The following UBR3 variants were observed in gnomAD, a reference collection of about 807,000 sequenced individuals.
UBR3 encodes ubiquitin protein ligase E3 component n-recognin 3, also known as E3 ubiquitin-protein ligase UBR3.
UBR3 carries 85 observed loss-of-function variants against 243.2 expected under a neutral mutation model. The ratio of observed to expected loss-of-function variants is 0.35; its 90% CI spans 0.29 to 0.42. The LOEUF is 0.42. UBR3 is among the 10% of genes least tolerant of loss of function. UBR3 has a pLI of 1.00. For missense variants in UBR3, 1,686 were observed against 2,300.8 expected, an observed-to-expected ratio of 0.73 and a Z score of 5.47; for synonymous variants, 748 against 799.8, an observed-to-expected ratio of 0.94 and a Z score of 1.09.
chr2:169,874,621 A>AT (rs2083540296), intron 2 of UBR3, among the ~76,000 whole-genome samples: 1 of 152,198 alleles, frequency 6.6e-6, no homozygotes, highest in Admixed American at 6.5e-5. Flanking sequence ...AATAATCCTT[A>AT]TATCTGTGTT....
At chr2:169,872,509 C>T (rs1383073001) in intron 2 of UBR3, 134 bp downstream of exon 2, 26 of 623,608 alleles carry the variant, frequency 4.2e-5, no homozygotes, top group Non-Finnish European at 6.4e-5. Flanking sequence ...CTATAAAATA[C>T]GGATTGAATA....
chr2:170,003,862 G>T (rs1475589277), intron 27 of UBR3, among the ~76,000 whole-genome samples: 1 of 152,046 alleles, frequency 6.6e-6, no homozygotes, highest in Non-Finnish European at 1.5e-5. Flanking sequence ...GGATGGTCTC[G>T]ATCTCCTGAC....
intron 19 of UBR3, among the ~76,000 whole-genome samples, chr2:169,941,786 G>T (rs1476672028): frequency 6.6e-6 from 1 of 152,208 alleles, no homozygotes; most frequent in Non-Finnish European, 1.5e-5. Flanking sequence ...GATAAGAGGG[G>T]ACTACTGTAT....
chr2:169,831,305 A>G (rs983420181), intron 1 of UBR3, among the ~76,000 whole-genome samples: 5 of 146,892 alleles, frequency 3.4e-5, no homozygotes, highest in Non-Finnish European at 7.5e-5. Flanking sequence ...ACACCCGGCT[A>G]ATTTTTTTTT....
intron 30 of UBR3, among the ~76,000 whole-genome samples, chr2:170,020,970 G>T (rs1049750503): frequency 6.6e-6 from 1 of 151,948 alleles, no homozygotes; most frequent in African/African-American, 2.4e-5. Flanking sequence ...TATTCCAATC[G>T]TTTGCACTGT....
intron 33 of UBR3, among the ~76,000 whole-genome samples, chr2:170,058,587 C>T (rs959505475): frequency 1.3e-5 from 2 of 149,580 alleles, no homozygotes; most frequent in Admixed American, 1.3e-4. Context: ...ATGATCACAG[C>T]TCACTGCAAC....
intron 27 of UBR3, among the ~76,000 whole-genome samples, chr2:170,001,938 A>AAAAAAAAAAG (rs1559175182): frequency 4.8e-4 from 63 of 130,108 alleles, no homozygotes; most frequent in African/African-American, 2.0e-3. Flanking sequence ...AAAAAAAAAA[A>AAAAAAAAAAG]AAAAGAAAGA....
Position 169,928,868 on chromosome 2 carries a change from G to A in UBR3, c.2566G>A (p.Ala856Thr). ...GCAACAAGGCATGTATACTCCCAAA[G>A]GTATGTTTATATACATAAATGGACT... ...SMQQGMYTPK[A>T]EVWDQEFDPV... The change falls in exon 18 of 39, where the codon GCT becomes ACT. Residue 856 changes from alanine (A) to threonine (T), a missense_variant and splice_region_variant. This residue lies in a region of UBR3 where 346 missense variants were observed against 585.8 expected (regional missense o/e 0.59). Coordinates refer to ENST00000272793, the MANE Select transcript of UBR3 (RefSeq NM_172070.4). The A allele has an allele frequency of 7.0e-7, 1 of 1,428,654 alleles. No homozygotes were observed. Among genetic ancestry groups the A allele is most frequent in the Non-Finnish European group, 9.4e-7 (1 of 1,069,262 alleles). The allele number at this position is 1,428,654 out of a possible 1,614,324, so 88.5% of individuals were successfully genotyped here. A position where few individuals can be genotyped will look rare whatever the true frequency, so the allele number is the denominator to read the frequency against.
intron 8 of UBR3, among the ~76,000 whole-genome samples, chr2:169,900,977 A>G (rs2084799192): frequency 1.3e-5 from 2 of 152,210 alleles, no homozygotes; most frequent in South Asian, 4.1e-4. Context: ...ATGATAAATT[A>G]TGTGGTTTAC....
intron 1 of UBR3, among the ~76,000 whole-genome samples, chr2:169,855,268 G>A (rs1205369122): frequency 6.6e-6 from 1 of 152,146 alleles, no homozygotes; most frequent in Non-Finnish European, 1.5e-5. Flanking sequence ...TTGCCAGATT[G>A]TTCTCATATA....
At chr2:169,893,588 T>A (rs2084457484) in intron 6 of UBR3, among the ~76,000 whole-genome samples, 1 of 152,174 alleles carries the variant, frequency 6.6e-6, no homozygotes, top group South Asian at 2.1e-4. Context: ...AGGGTCTCAC[T>A]GTGTTACCCA....
chr2:169,975,463 G>A lies in UBR3; in HGVS notation c.3635-11182G>A, dbSNP rs181558556. Among the ~76,000 whole-genome samples, 304 of 152,274 alleles carry A rather than the reference G, an allele frequency of 2.0e-3. 3 individuals carry two copies. Among genetic ancestry groups the A allele is most frequent in the African/African-American group, 7.0e-3 (292 of 41,556 alleles). Reference sequence around the variant, plus strand: ...GAAATGTTCTGTAAAAGTCTGTTAGGTCTATTTGGCTTAAAGTGCAGTTTA... The same window carrying A: ...GAAATGTTCTGTAAAAGTCTGTTAGATCTATTTGGCTTAAAGTGCAGTTTA... On this transcript the variant is annotated intron_variant, in intron 24 of 38. Coordinates refer to ENST00000272793, the MANE Select transcript of UBR3 (RefSeq NM_172070.4).
intron 32 of UBR3, among the ~76,000 whole-genome samples, chr2:170,055,078 C>G (rs1257415970): frequency 2.0e-5 from 3 of 152,164 alleles, no homozygotes; most frequent in Non-Finnish European, 4.4e-5. Context: ...GGGAGGATTG[C>G]TTGAGCCCAA....
chr2:170,024,374 A>G (rs919425843), intron 30 of UBR3, among the ~76,000 whole-genome samples: 21 of 147,622 alleles, frequency 1.4e-4, no homozygotes, highest in African/African-American at 3.5e-4. Flanking sequence ...AAAAAAAAAA[A>G]AGAGAAAAGA....
chr2:169,972,184 GACACATAC>G (rs2088187264), intron 24 of UBR3, among the ~76,000 whole-genome samples: 1 of 152,100 alleles, frequency 6.6e-6, no homozygotes, highest in Non-Finnish European at 1.5e-5. Context: ...TAAATTCCTC[GACACATAC>G]ACTCTCCCAA....
chr2:169,874,314 G>A (rs978970247), intron 2 of UBR3, among the ~76,000 whole-genome samples: 4 of 151,868 alleles, frequency 2.6e-5, no homozygotes, highest in Admixed American at 2.0e-4. Flanking sequence ...AATTACAGGC[G>A]CCCACCACCA....
At chr2:169,918,952 A>G (rs2085575574) in intron 11 of UBR3, among the ~76,000 whole-genome samples, 1 of 152,228 alleles carries the variant, frequency 6.6e-6, no homozygotes, top group Non-Finnish European at 1.5e-5. Context: ...AGTTGTGACC[A>G]GGTGCTATGT....
chr2:169,841,566 G>A (rs1233107905), intron 1 of UBR3, among the ~76,000 whole-genome samples: 1 of 152,234 alleles, frequency 6.6e-6, no homozygotes. Context: ...GGCTGCGTGC[G>A]GCGCTTGCGG....
intron 20 of UBR3, 41 bp from the exon 21 acceptor site, chr2:169,946,247 G>T: frequency 8.5e-7 from 1 of 1,172,964 alleles, no homozygotes; most frequent in Admixed American, 2.9e-5. Flanking sequence ...TACCTTTTGT[G>T]GAAAAAAGTA....
Sources: allele counts gnomAD v4.1 joint callset (sites outside exome capture counted in the v4.1 genomes callset), GRCh38; gene constraint gnomAD v4.1.1; regional missense constraint gnomAD v4.1.1; transcripts MANE v1.5; gene names NCBI Gene and HGNC (gene_info 2026-07-23, HGNC 2026-07-21).